The following EYA1 variants were observed in gnomAD, a reference collection of about 807,000 sequenced individuals.
EYA1 encodes the protein EYA transcriptional coactivator and phosphatase 1, also known as protein phosphatase EYA1.
Under a neutral mutation model 82.0 loss-of-function variants are expected in EYA1, and 16 were observed. That is an observed-to-expected ratio of 0.20 (90% CI 0.13 to 0.30). The LOEUF (loss-of-function observed/expected upper bound fraction) is 0.30. Ranked by LOEUF, EYA1 falls within the 10% of genes least tolerant of loss-of-function variation. EYA1 has a pLI of 1.00. For missense variants in EYA1, 633 were observed against 730.7 expected (o/e 0.87, Z 1.54); for synonymous variants, 261 against 264.4 (o/e 0.99, Z 0.12).
At chr8:71,416,557 A>G in intron 2 of EYA1, among the ~76,000 whole-genome samples, 1 of 151,846 alleles carries the variant, frequency 6.6e-6, no homozygotes, top group East Asian at 1.9e-4. Context: ...TAATTTATAA[A>G]CCCCTGAAAG....
chr8:71,530,588 A>T (rs1814185846), intron 2 of EYA1, among the ~76,000 whole-genome samples: 1 of 152,222 alleles, frequency 6.6e-6, no homozygotes, highest in Non-Finnish European at 1.5e-5. Flanking sequence ...TGCAACCCTG[A>T]TTTAGTATAA....
At chr8:71,232,425 C>T (rs560596205) in intron 12 of EYA1, among the ~76,000 whole-genome samples, 4 of 152,294 alleles carry the variant, frequency 2.6e-5, no homozygotes, top group South Asian at 2.1e-4. Flanking sequence ...AGGAAGACAA[C>T]GAGTAAAAGG....
At chr8:71,295,362 C>A (rs764010061) in intron 9 of EYA1, among the ~76,000 whole-genome samples, 2 of 152,106 alleles carry the variant, frequency 1.3e-5, no homozygotes, top group Admixed American at 6.6e-5. Context: ...AAACAAAGAA[C>A]TCCTAAAACC....
chr8:71,519,345 G>A (rs1008412301), intron 2 of EYA1, among the ~76,000 whole-genome samples: 10 of 152,006 alleles, frequency 6.6e-5, no homozygotes, highest in African/African-American at 2.4e-4. Context: ...ATAACTTCCT[G>A]TTCATTTAAT....
chr8:71,466,417 C>G (rs933819012), intron 2 of EYA1, among the ~76,000 whole-genome samples: 1 of 152,068 alleles, frequency 6.6e-6, no homozygotes, highest in Non-Finnish European at 1.5e-5. Context: ...GAGAATAGCA[C>G]TTAAAATTTA....
chr8:71,199,558 G>A lies in EYA1; in HGVS notation c.1699-138C>T, dbSNP rs546098670. 7.8e-5 allele frequency: 54 copies of A among 688,082 alleles called. 1 individual carries two copies. The highest frequency in any genetic ancestry group is 7.4e-4 in the South Asian group (49 of 65,826). The allele number at this position is 688,082 out of a possible 1,614,324, so 42.6% of individuals were successfully genotyped here. ...CAGCTAACATCTTAACATCACATCT[G>A]TTTAAAACAAAAATTCAAACTCAAT... On this transcript the variant is annotated intron_variant, in intron 17 of 17. Coordinates refer to ENST00000340726, the MANE Select transcript of EYA1 (RefSeq NM_000503.6).
chr8:71,533,625 C>T (rs905140730), intron 2 of EYA1, among the ~76,000 whole-genome samples: 2 of 152,108 alleles, frequency 1.3e-5, no homozygotes, highest in African/African-American at 4.8e-5. Flanking sequence ...ATGTTTTTAG[C>T]TATGTTCTAG....
At chr8:71,201,386 A>G (rs149144147) in intron 17 of EYA1, among the ~76,000 whole-genome samples, 1 of 151,974 alleles carries the variant, frequency 6.6e-6, no homozygotes, top group Admixed American at 6.6e-5. Context: ...TAGGCTTTTT[A>G]TTCAGCTGTG....
chr8:71,215,454 C>T lies in EYA1; in HGVS notation c.1530G>A (p.Ala510=), dbSNP rs147434089. The T allele has an allele frequency of 4.3e-5, 70 of 1,613,016 alleles. No homozygotes were observed. The highest frequency in any genetic ancestry group is 8.3e-5 in the Admixed American group (5 of 60,008). Residue 510 remains alanine (A), a synonymous_variant, in exon 16 of 18, where the codon GCG becomes GCA. Transcript: ENST00000340726. ...TTCCTAACCCATACAGCAGGACTTT[C>T]GCCAATGCTGGGATGAGCTGAGTAG... ...VTTTQLIPAL[A]KVLLYGLGIV... is the part of the protein sequence containing the mutation.
At chr8:71,379,623 G>A (rs1586589108) in intron 2 of EYA1, among the ~76,000 whole-genome samples, 1 of 152,196 alleles carries the variant, frequency 6.6e-6, no homozygotes, top group African/African-American at 2.4e-5. Context: ...TACATGAATT[G>A]TGATAGCAAT....
chr8:71,442,876 C>T (rs1362693703), intron 2 of EYA1, among the ~76,000 whole-genome samples: 1 of 152,168 alleles, frequency 6.6e-6, no homozygotes, highest in East Asian at 1.9e-4. Flanking sequence ...CTCTGATATA[C>T]TTTTCTTTAT....
chr8:71,356,525 T>TA lies in EYA1; in HGVS notation c.-54-15dup, dbSNP rs772337836. ...AGATGTTTGCACCTGTGATCAGGGGTAAAAAAATTAGAAGATGTTGTTACT... is the reference window on the plus strand; with the variant it reads ...AGATGTTTGCACCTGTGATCAGGGGTAAAAAAAATTAGAAGATGTTGTTACT... On this transcript the variant is annotated splice_polypyrimidine_tract_variant and intron_variant, in intron 1 of 17. Coordinates refer to ENST00000340726, the MANE Select transcript of EYA1 (RefSeq NM_000503.6). 1.1e-4 allele frequency: 177 copies of TA among 1,561,204 alleles called. No homozygotes were observed. In the South Asian group the frequency reaches 1.3e-3, roughly 11 times the overall value.
At chr8:71,261,949 C>G (rs538954765) in intron 11 of EYA1, among the ~76,000 whole-genome samples, 4 of 152,158 alleles carry the variant, frequency 2.6e-5, no homozygotes, top group Non-Finnish European at 5.9e-5. Flanking sequence ...GCTATTAAAT[C>G]GGTCTTCCAA....
At chr8:71,546,916 A>T (rs1815657623) in intron 1 of EYA1, among the ~76,000 whole-genome samples, 1 of 152,218 alleles carries the variant, frequency 6.6e-6, no homozygotes, top group South Asian at 2.1e-4. Context: ...CCTACCTAGC[A>T]TTAGTCGGTC....
chr8:71,501,067 G>C (rs1026511733), intron 2 of EYA1, among the ~76,000 whole-genome samples: 4 of 152,104 alleles, frequency 2.6e-5, no homozygotes, highest in Non-Finnish European at 5.9e-5. Flanking sequence ...ATATCATCTG[G>C]AATAATAACT....
intron 17 of EYA1, among the ~76,000 whole-genome samples, chr8:71,208,261 G>A (rs1229233855): frequency 6.6e-6 from 1 of 151,958 alleles, no homozygotes; most frequent in African/African-American, 2.4e-5. Flanking sequence ...GTGAAACCCC[G>A]TCTCTACTAA....
At chr8:71,268,529 C>A (rs1450471580) in intron 11 of EYA1, among the ~76,000 whole-genome samples, 1 of 152,156 alleles carries the variant, frequency 6.6e-6, no homozygotes. Context: ...GCAGTAGAGA[C>A]CATTTGGCTG....
rs377434964 is a variant in EYA1, at chr8:71,321,865, T to C, written c.287A>G (p.His96Arg). 1.9e-5 allele frequency: 31 copies of C among 1,614,244 alleles called. No homozygotes were observed. Among genetic ancestry groups the C allele is most frequent in the Non-Finnish European group, 2.4e-5 (28 of 1,180,044 alleles). The stretch of plus-strand genomic sequence containing the variant: ...TTGTGAGGAAGGGGTAGGGAGAATA[T>C]GTGGGTATGGTCTGCTATTTGTCAG... ...QIYPSNRPYPHILPTPSSQTM... is the reference protein window; with the variant it reads ...QIYPSNRPYPRILPTPSSQTM... The change falls in exon 6 of 18, where the codon CAT becomes CGT. Residue 96 changes from histidine to arginine, a missense_variant. By Grantham distance (29) the His-to-Arg change is conservative. Transcript: ENST00000340726.
At chr8:71,203,025 G>A (rs753223728) in intron 17 of EYA1, among the ~76,000 whole-genome samples, 7 of 152,120 alleles carry the variant, frequency 4.6e-5, no homozygotes, top group Admixed American at 1.3e-4. Flanking sequence ...TTGCATCAAT[G>A]TTTAGCCACT....
Sources: gnomAD v4.1 joint callset for allele counts (sites outside exome capture counted in the v4.1 genomes callset) on GRCh38, gnomAD v4.1.1 for gene constraint, MANE v1.5 for transcripts, NCBI Gene and HGNC (gene_info 2026-07-23, HGNC 2026-07-21) for gene names.